GLCE: variants seen among roughly 807,000 people sequenced by gnomAD.
The protein encoded by GLCE is D-glucuronyl C5-epimerase.
GLCE carries 19 observed loss-of-function variants against 47.9 expected under a neutral mutation model. The observed-to-expected ratio is 0.40, with a 90% CI of 0.28 to 0.58. GLCE has a LOEUF of 0.58. Ranked by LOEUF, GLCE falls within the 20% of genes least tolerant of loss-of-function variation. The pLI, the probability that GLCE is intolerant of heterozygous loss-of-function variation, is 0.48. For synonymous variants in GLCE, 245 were observed against 263.4 expected (o/e 0.93, Z 0.68); for missense variants, 556 against 743.3 (o/e 0.75, Z 2.93).
intron 4 of GLCE, among the ~76,000 whole-genome samples, chr15:69,263,808 GATT>G (rs1170040439): frequency 2.0e-5 from 3 of 152,000 alleles, no homozygotes; most frequent in Non-Finnish European, 4.4e-5. Flanking sequence ...TAAATCTGTT[GATT>G]AAACGAATGG....
At chr15:69,230,610 GC>G (rs929277070) in intron 2 of GLCE, among the ~76,000 whole-genome samples, 14 of 152,136 alleles carry the variant, frequency 9.2e-5, no homozygotes, top group African/African-American at 2.7e-4. Flanking sequence ...TCTCTCATTA[GC>G]CAAAAGATTA....
At chr15:69,256,692 T>C (rs376660072) in intron 3 of GLCE, among the ~76,000 whole-genome samples, 86 of 152,326 alleles carry the variant, frequency 5.6e-4, no homozygotes, top group African/African-American at 2.0e-3. Context: ...CGTTAAAATA[T>C]ATAGCTAGAA....
At position 69,204,014 on chromosome 15, in the gene GLCE, T is replaced by C. The variant is rs556941626; in HGVS notation, c.-104-6302T>C. Among the ~76,000 whole-genome samples the C allele has an allele frequency of 2.4e-4, 37 of 152,222 alleles. No individual in the cohort carries two copies. In the South Asian group the frequency reaches 7.7e-3, roughly 32 times the overall value. On this transcript the variant is annotated intron_variant, in intron 1 of 4. Transcript: ENST00000261858. ...AAAGTGTTCAGAAGAGGTAGTACTT[T>C]TATACTTAGTTTTAAAAAATTTAAA...
At chr15:69,161,611 A>G (rs1463378275) in intron 1 of GLCE, among the ~76,000 whole-genome samples, 2 of 152,208 alleles carry the variant, frequency 1.3e-5, no homozygotes, top group Non-Finnish European at 2.9e-5. Flanking sequence ...CAGGCTGGGC[A>G]GCATCCTGAA....
At chr15:69,213,685 A>G (rs114046775) in intron 2 of GLCE, among the ~76,000 whole-genome samples, 1 of 152,272 alleles carries the variant, frequency 6.6e-6, no homozygotes, top group Admixed American at 6.5e-5. Flanking sequence ...TGAGGCTTCA[A>G]AAATATCTTG....
chr15:69,250,526 GAGAC>G (rs1290293580), intron 2 of GLCE, among the ~76,000 whole-genome samples: 2 of 150,572 alleles, frequency 1.3e-5, no homozygotes, highest in Non-Finnish European at 3.0e-5. Flanking sequence ...TTTTTTTTAA[GAGAC>G]AGGATCTCGC....
At chr15:69,170,093 T>A (rs957691627) in intron 1 of GLCE, among the ~76,000 whole-genome samples, 1 of 152,126 alleles carries the variant, frequency 6.6e-6, no homozygotes, top group Non-Finnish European at 1.5e-5. Flanking sequence ...TTAAAAAAAT[T>A]AGACATTGCC....
chr15:69,166,511 A>G (rs1199166997), intron 1 of GLCE, among the ~76,000 whole-genome samples: 4 of 152,230 alleles, frequency 2.6e-5, no homozygotes, highest in Admixed American at 2.6e-4. Context: ...TCCTTCCTTT[A>G]GCATATGAGG....
rs746459456 is a variant in GLCE at position 69,268,972 on chromosome 15, G to A, written c.1582G>A (p.Glu528Lys). ...GTATGACTTAAAAGAAACTGCAGGG[G>A]AAAAACTCGGAAAAGAAGCAAGGTC... Reference protein sequence around the residue: ...GLYDLKETAGEKLGKEARSLY... With the variant: ...GLYDLKETAGKKLGKEARSLY... Residue 528 changes from glutamate to lysine, a missense_variant, in exon 5 of 5, where the codon GAA becomes AAA. Coordinates refer to ENST00000261858, the MANE Select transcript of GLCE (RefSeq NM_015554.3). 2.5e-6 allele frequency: 4 copies of A among 1,614,194 alleles called. No homozygotes were observed. Among genetic ancestry groups the A allele is most frequent in the Admixed American group, 1.7e-5 (1 of 60,014 alleles).
chr15:69,225,168 A>G (rs1252553350), intron 2 of GLCE, among the ~76,000 whole-genome samples: 1 of 118,912 alleles, frequency 8.4e-6, no homozygotes, highest in Non-Finnish European at 2.0e-5. Flanking sequence ...CAAATATTTT[A>G]AAGCTTTTTT....
At chr15:69,198,236 A>G (rs1242743615) in intron 1 of GLCE, among the ~76,000 whole-genome samples, 1 of 152,090 alleles carries the variant, frequency 6.6e-6, no homozygotes, top group Non-Finnish European at 1.5e-5. Flanking sequence ...CGATACCTTG[A>G]TCTATGTTAT....
At chr15:69,173,335 G>A (rs1192843194) in intron 1 of GLCE, among the ~76,000 whole-genome samples, 1 of 152,128 alleles carries the variant, frequency 6.6e-6, no homozygotes, top group Non-Finnish European at 1.5e-5. Flanking sequence ...AGAAGAGTTG[G>A]GGTATATGAT....
At chr15:69,207,919 T>C (rs1023531934) in intron 1 of GLCE, among the ~76,000 whole-genome samples, 7 of 152,022 alleles carry the variant, frequency 4.6e-5, no homozygotes, top group Admixed American at 2.0e-4. Flanking sequence ...GAATTACCAG[T>C]TGTTTTTGTT....
chr15:69,227,973 A>T (rs916699596), intron 2 of GLCE, among the ~76,000 whole-genome samples: 1 of 152,218 alleles, frequency 6.6e-6, no homozygotes, highest in Non-Finnish European at 1.5e-5. Context: ...AAATTGTCAC[A>T]TCAAGTATTT....
chr15:69,259,060 C>T (rs895354284), intron 3 of GLCE, among the ~76,000 whole-genome samples: 5 of 152,206 alleles, frequency 3.3e-5, no homozygotes, highest in Non-Finnish European at 7.3e-5. Flanking sequence ...TTTCACCCAA[C>T]TCTTGCCATC....
At chr15:69,180,913 G>A (rs892673662) in intron 1 of GLCE, among the ~76,000 whole-genome samples, 3 of 152,164 alleles carry the variant, frequency 2.0e-5, no homozygotes, top group Non-Finnish European at 4.4e-5. Context: ...GAGAACAAGG[G>A]CAGAAGCAGT....
chr15:69,195,678 T>G (rs1271072400), intron 1 of GLCE, among the ~76,000 whole-genome samples: 1 of 152,176 alleles, frequency 6.6e-6, no homozygotes, highest in Non-Finnish European at 1.5e-5. Context: ...GCAAACTAAT[T>G]TAATATAGCC....
In GLCE at chr15:69,238,224, C is replaced by T. The variant is rs8038944; in HGVS notation, c.-13-17570C>T. ...CTAGTAGTTTAAGATTGTGTCTGCA[C>T]AACCAAGGGTAAATCTTTCTGCTCT... On this transcript the variant is annotated intron_variant, in intron 2 of 4. Coordinates refer to ENST00000261858, the MANE Select transcript of GLCE (RefSeq NM_015554.3). Among the ~76,000 whole-genome samples the T allele has an allele frequency of 2.8e-3, 431 of 152,178 alleles. 2 individuals carry two copies. The highest frequency in any genetic ancestry group is 9.9e-3 in the African/African-American group (412 of 41,528).
intron 2 of GLCE, among the ~76,000 whole-genome samples, chr15:69,235,170 C>T (rs955951426): frequency 1.6e-5 from 2 of 123,584 alleles, no homozygotes; most frequent in African/African-American, 6.2e-5. Context: ...TGCAGTGGCA[C>T]GATCTCAGCT....
Sources: gnomAD v4.1 joint callset for allele counts (sites outside exome capture counted in the v4.1 genomes callset) on GRCh38, gnomAD v4.1.1 for gene constraint, MANE v1.5 for transcripts, NCBI Gene and HGNC (gene_info 2026-07-23, HGNC 2026-07-21) for gene names.